Variants in TMEM50A observed in about 807,000 individuals in gnomAD.
TMEM50A encodes the protein transmembrane protein 50A.
TMEM50A carries 8 observed loss-of-function variants against 23.9 expected under a neutral mutation model. The observed-to-expected ratio is 0.33, with a 90% CI of 0.20 to 0.60. TMEM50A has a LOEUF of 0.60. TMEM50A is among the 20% of genes least tolerant of loss of function. The probability of loss-of-function intolerance (pLI) is 0.81; values close to 1 mark genes in which losing one functional copy is unlikely to be tolerated. For synonymous variants in TMEM50A, 55 were observed against 60.4 expected (o/e 0.91, Z 0.41); for missense variants, 178 against 192.7 (o/e 0.92, Z 0.45).
chr1:25,350,594 G>C (rs28729769), intron 3 of TMEM50A, among the ~76,000 whole-genome samples: 2 of 151,966 alleles, frequency 1.3e-5, no homozygotes, highest in African/African-American at 2.4e-5. Flanking sequence ...CTCTGTGTTG[G>C]TCAGGCTGGT....
At chr1:25,356,332 C>T (rs1557588659) in intron 5 of TMEM50A, among the ~76,000 whole-genome samples, 1 of 152,194 alleles carries the variant, frequency 6.6e-6, no homozygotes, top group African/African-American at 2.4e-5. Flanking sequence ...AATTCACTGG[C>T]GTGCTCCCTC....
intron 3 of TMEM50A, among the ~76,000 whole-genome samples, chr1:25,351,038 C>A (rs138523304): frequency 6.6e-6 from 1 of 151,954 alleles, no homozygotes; most frequent in Non-Finnish European, 1.5e-5. Flanking sequence ...GTGGTGCATG[C>A]CTGTAGTCCC....
chr1:25,345,892 A>T (rs928904304), intron 3 of TMEM50A, among the ~76,000 whole-genome samples: 2 of 151,152 alleles, frequency 1.3e-5, no homozygotes, highest in South Asian at 2.1e-4. Context: ...GGCTCAATTG[A>T]TTCTCCTGCA....
chr1:25,355,329 A>G (rs1309435973), intron 5 of TMEM50A, among the ~76,000 whole-genome samples: 1 of 152,112 alleles, frequency 6.6e-6, no homozygotes, highest in East Asian at 1.9e-4. Context: ...AAAAAAAAGG[A>G]AAAAAATTAC....
At chr1:25,353,103 A>AC in intron 5 of TMEM50A, 129 bp downstream of exon 5, 1 of 659,646 alleles carries the variant, frequency 1.5e-6, no homozygotes, top group Admixed American at 3.2e-5. Context: ...TATATCCGGG[A>AC]CCCCCCACCC....
chr1:25,357,235 T>C (rs1411258867), intron 6 of TMEM50A, among the ~76,000 whole-genome samples: 1 of 152,244 alleles, frequency 6.6e-6, no homozygotes, highest in African/African-American at 2.4e-5. Context: ...TTATAATTCT[T>C]CTGTCCTTGA....
chr1:25,361,484 T>G lies in TMEM50A; in HGVS notation c.*779T>G, dbSNP rs931141534. On this transcript the variant is annotated 3_prime_UTR_variant, in exon 7 of 7. Coordinates refer to ENST00000374358, the MANE Select transcript of TMEM50A (RefSeq NM_014313.4). ...GGGGACAATTTCTTTGTAGTTGTTC[T>G]GATAATAAACTGGGTTCCATGTTGC... The G allele has an allele frequency of 1.3e-5, 2 of 152,292 alleles. No individual in the cohort carries two copies. The highest frequency in any genetic ancestry group is 4.8e-5 in the African/African-American group (2 of 41,458). The allele number at this position is 152,292 out of a possible 1,614,324, so 9.4% of individuals were successfully genotyped here.
intron 5 of TMEM50A, among the ~76,000 whole-genome samples, chr1:25,354,425 C>A (rs1341961901): frequency 6.6e-6 from 1 of 152,064 alleles, no homozygotes; most frequent in Non-Finnish European, 1.5e-5. Context: ...CCAGCTTGGA[C>A]AACATAGGGA....
chr1:25,357,528 A>AGTGTGTGTGTGT lies in TMEM50A; in HGVS notation c.428+698_428+709dup, dbSNP rs58801158. Among the ~76,000 whole-genome samples the AGTGTGTGTGTGT allele has an allele frequency of 1.1e-3, 147 of 139,656 alleles. 1 individual carries two copies. Among genetic ancestry groups the AGTGTGTGTGTGT allele is most frequent in the African/African-American group, 3.8e-3 (141 of 36,934 alleles). 91.6% of individuals were successfully genotyped at this position (139,656 alleles called of 152,430 possible). On this transcript the variant is annotated intron_variant, in intron 6 of 6. Transcript: ENST00000374358. ...ACAGCTCTTAATCCTCTGCATCAGG[A>AGTGTGTGTGTGT]GTGTGTGTGTGTGTGTGTGTGTGTG...
At chr1:25,338,982 C>T (rs1004908898) in intron 1 of TMEM50A, among the ~76,000 whole-genome samples, 7 of 152,112 alleles carry the variant, frequency 4.6e-5, no homozygotes, top group African/African-American at 1.7e-4. Flanking sequence ...GCAGTTCTTC[C>T]CGGGGAAGAA....
chr1:25,359,883 C>T (rs930275202), intron 6 of TMEM50A, among the ~76,000 whole-genome samples: 7 of 152,064 alleles, frequency 4.6e-5, no homozygotes, highest in Admixed American at 2.6e-4. Context: ...TCAGGGTGAC[C>T]GAATTCTGTG....
chr1:25,362,353 TTAAAC>T lies in TMEM50A; in HGVS notation c.*1652_*1656del, dbSNP rs1157178997. 11 of 1,440,408 alleles carry T rather than the reference TTAAAC, an allele frequency of 7.6e-6. No homozygotes were observed. Among genetic ancestry groups the T allele is most frequent in the Admixed American group, 4.4e-5 (2 of 45,716 alleles). The allele number at this position is 1,440,408 out of a possible 1,614,324, so 89.2% of individuals were successfully genotyped here. On this transcript the variant is annotated 3_prime_UTR_variant, in exon 7 of 7. Transcript: ENST00000374358. ...TATTTTAAACTTATTAAATTGACTCTTAAACTAAGTTTTTAGTCTTTAATTTTTTA... is the reference window on the plus strand; with the variant it reads ...TATTTTAAACTTATTAAATTGACTCTTAAGTTTTTAGTCTTTAATTTTTTA...
chr1:25,343,567 AT>A (rs1016446078), intron 3 of TMEM50A, among the ~76,000 whole-genome samples: 6 of 151,518 alleles, frequency 4.0e-5, no homozygotes, highest in East Asian at 1.9e-4. Context: ...AAATTAAAAA[AT>A]TTTTTTTTTT....
At position 25,355,816 on chromosome 1, in the gene TMEM50A, A is replaced by G. The variant is rs1192304287; in HGVS notation, c.368-977A>G. 5.9e-5 allele frequency among the ~76,000 whole-genome samples: 9 copies of G among 152,196 alleles called. No individual in the cohort carries two copies. The East Asian group carries it at 1.5e-3, about 26-fold the overall frequency. ...CACTTCTAGATACAATCAGAAAAAA[A>G]TGTTGCTCCAGCAGTCCTTCCAATC... On this transcript the variant is annotated intron_variant, in intron 5 of 6. Transcript: ENST00000374358.
chr1:25,345,623 G>A (rs1645206935), intron 3 of TMEM50A, among the ~76,000 whole-genome samples: 1 of 151,090 alleles, frequency 6.6e-6, no homozygotes, highest in South Asian at 2.1e-4. Context: ...TTGCGTGCCT[G>A]TAGTCCCAGC....
At chr1:25,346,740 C>T (rs1645222137) in intron 3 of TMEM50A, among the ~76,000 whole-genome samples, 1 of 152,048 alleles carries the variant, frequency 6.6e-6, no homozygotes, top group African/African-American at 2.4e-5. Context: ...GCATTCTGGC[C>T]AGGCATGGTG....
At chr1:25,350,641 G>A (rs886221888) in intron 3 of TMEM50A, among the ~76,000 whole-genome samples, 1 of 151,980 alleles carries the variant, frequency 6.6e-6, no homozygotes. Context: ...GCCCACCTTG[G>A]CCTCCCAAAG....
At chr1:25,345,794 A>AT (rs112522769) in intron 3 of TMEM50A, among the ~76,000 whole-genome samples, 11,472 of 146,368 alleles carry the variant, frequency 0.078, 1,388 homozygotes, top group African/African-American at 0.26. Context: ...TTATTTATTT[A>AT]TTTTTTTTTT....
Position 25,340,582 on chromosome 1 carries a change from A to G in TMEM50A, c.93+3A>G. ...CTTCCATTGCTGCTGGTGTACTAGT[A>G]AGTGTCATTGATTATTTGGGCCTTA... is the stretch of plus-strand genomic sequence containing the variant. On this transcript the variant is annotated splice_donor_region_variant and intron_variant, in intron 2 of 6. Coordinates refer to ENST00000374358, the MANE Select transcript of TMEM50A (RefSeq NM_014313.4). 1 of 1,610,004 alleles carries G rather than the reference A, an allele frequency of 6.2e-7. No homozygotes were observed.
Sources: gnomAD v4.1 joint callset for allele counts (sites outside exome capture counted in the v4.1 genomes callset) on GRCh38, gnomAD v4.1.1 for gene constraint, MANE v1.5 for transcripts, NCBI Gene and HGNC (gene_info 2026-07-23, HGNC 2026-07-21) for gene names.